The following BRCA1 variants were observed in gnomAD, a reference collection of about 807,000 sequenced individuals.
BRCA1 encodes breast cancer type 1 susceptibility protein.
Under a neutral mutation model 173.7 loss-of-function variants are expected in BRCA1, and 140 were observed. The ratio of observed to expected loss-of-function variants is 0.81; its 90% confidence interval spans 0.70 to 0.93. The LOEUF (loss-of-function observed/expected upper bound fraction) is 0.93. BRCA1 is among the 40% of genes least tolerant of loss of function. The pLI is 0.00. For synonymous variants in BRCA1, 662 were observed against 756.0 expected, an observed-to-expected ratio of 0.88 and a Z score of 2.04; for missense variants, 1,983 against 2,172.5, an observed-to-expected ratio of 0.91 and a Z score of 1.73.
Position 43,044,804 on chromosome 17 carries a change from C to CTTT in BRCA1, c.*871_*873dup, listed in dbSNP as rs59541324. 1.2e-4 allele frequency: 45 copies of CTTT among 381,396 alleles called. No individual in the cohort carries two copies. Among genetic ancestry groups the CTTT allele is most frequent in the African/African-American group, 3.5e-4 (13 of 37,596 alleles). 23.6% of individuals were successfully genotyped at this position (381,396 alleles called of 1,614,324 possible). A position where few individuals can be genotyped will look rare whatever the true frequency, so the allele number is the denominator to read the frequency against. On this transcript the variant is annotated 3_prime_UTR_variant, in exon 23 of 23. Coordinates refer to ENST00000357654, the MANE Select transcript of BRCA1 (RefSeq NM_007294.4). ...AGAAATCTCTTCTAGTTTCATTTTC[C>CTTT]TTTTTTTTTTTTTTTTTTTGAGCCA...
At chr17:43,058,647 G>A (rs2051616231) in intron 18 of BRCA1, among the ~76,000 whole-genome samples, 3 of 152,068 alleles carry the variant, frequency 2.0e-5, no homozygotes, top group South Asian at 4.1e-4. Context: ...AGATTAGACT[G>A]CTAATACTGT....
intron 7 of BRCA1, 138 bp downstream of exon 7, chr17:43,099,637 C>T (rs2054283326): frequency 1.5e-6 from 1 of 686,856 alleles, no homozygotes; most frequent in Admixed American, 2.4e-5. Context: ...TTTTTTATAA[C>T]TCACCATAGG....
At chr17:43,123,956 T>C (rs2154576244) in intron 2 of BRCA1, 61 bp downstream of exon 2, 2 of 1,317,544 alleles carry the variant, frequency 1.5e-6, no homozygotes, top group Middle Eastern at 1.8e-4. Flanking sequence ...GTCAATTCTG[T>C]TCATTTGCAT....
chr17:43,129,805 T>C (rs540162699), upstream of BRCA1, among the ~76,000 whole-genome samples: 105 of 152,274 alleles, frequency 6.9e-4, no homozygotes, highest in African/African-American at 2.5e-3. Flanking sequence ...AAAGTGGTAT[T>C]TCAGAATATC....
intron 1 of BRCA1, chr17:43,145,289 T>C: frequency 3.2e-6 from 2 of 634,024 alleles, no homozygotes; most frequent in African/African-American, 1.9e-5. Context: ...CAGTGGTCCC[T>C]GTCTCCCTTC....
intron 1 of BRCA1, among the ~76,000 whole-genome samples, chr17:43,141,992 A>C (rs1263561546): frequency 1.3e-5 from 2 of 151,210 alleles, no homozygotes; most frequent in African/African-American, 4.9e-5. Context: ...GCTCACTGCA[A>C]CCTCCGTCTC....
At chr17:43,133,887 G>A (rs1216609239) in intron 1 of BRCA1, among the ~76,000 whole-genome samples, 5 of 152,062 alleles carry the variant, frequency 3.3e-5, no homozygotes, top group Non-Finnish European at 7.4e-5. Context: ...CGCCTGCCTC[G>A]GACACTCAAA....
rs2154400472 is a variant in BRCA1 at position 43,093,451 on chromosome 17, T to A, written c.2080A>T (p.Ser694Cys). Residue 694 changes from serine to cysteine, a missense_variant, in exon 10 of 23, where the codon AGC becomes TGC. Coordinates refer to ENST00000357654, the MANE Select transcript of BRCA1 (RefSeq NM_007294.4). ...PNEQTSKRHD[S>C]DTFPELKLTN... Reference sequence around the variant, plus strand: ...AACTTCAGCTCTGGGAAAGTATCGCTGTCATGTCTTTTACTTGTCTGTTCA... The same window carrying A: ...AACTTCAGCTCTGGGAAAGTATCGCAGTCATGTCTTTTACTTGTCTGTTCA... The A allele has an allele frequency of 6.2e-7, 1 of 1,614,088 alleles. No individual in the cohort carries two copies. The highest frequency in any genetic ancestry group is 8.5e-7 in the Non-Finnish European group (1 of 1,179,956).
rs538914067 is a variant in BRCA1 at position 43,096,249 on chromosome 17, C to T, written c.594-327G>A. Reference sequence around the variant, plus strand: ...AAAATTAGCCGGGTGTGGTGGCGCGCGCCTGTAGTCCCAGCTACTAGAGAG... The same window carrying T: ...AAAATTAGCCGGGTGTGGTGGCGCGTGCCTGTAGTCCCAGCTACTAGAGAG... On this transcript the variant is annotated intron_variant, in intron 8 of 22. Coordinates refer to ENST00000357654, the MANE Select transcript of BRCA1 (RefSeq NM_007294.4). Among the ~76,000 whole-genome samples the T allele has an allele frequency of 5.3e-5, 8 of 151,442 alleles. No individual in the cohort carries two copies. In the East Asian group the frequency reaches 9.7e-4, roughly 18 times the overall value.
At chr17:43,055,837 G>A (rs1339143477) in intron 19 of BRCA1, among the ~76,000 whole-genome samples, 2 of 152,138 alleles carry the variant, frequency 1.3e-5, no homozygotes, top group Non-Finnish European at 2.9e-5. Context: ...GGAGGCCAAG[G>A]CACAAGAATT....
intron 19 of BRCA1, among the ~76,000 whole-genome samples, chr17:43,056,037 A>G (rs1183639350): frequency 6.6e-6 from 1 of 152,216 alleles, no homozygotes; most frequent in Non-Finnish European, 1.5e-5. Flanking sequence ...TGAGCAACTT[A>G]TTCAACCTCT....
intron 16 of BRCA1, among the ~76,000 whole-genome samples, chr17:43,064,220 G>C (rs959007458): frequency 1.3e-5 from 2 of 152,212 alleles, no homozygotes; most frequent in African/African-American, 4.8e-5. Flanking sequence ...CCATCTTCTA[G>C]ACGCCAAGGC....
At chr17:43,128,164 G>A (rs755570382), upstream of BRCA1, among the ~76,000 whole-genome samples, 2 of 144,096 alleles carry the variant, frequency 1.4e-5, no homozygotes, top group Non-Finnish European at 3.0e-5. Context: ...CTTTGGGTCC[G>A]CATAGCATTT....
intron 1 of BRCA1, among the ~76,000 whole-genome samples, chr17:43,168,532 C>T (rs2056284066): frequency 6.6e-6 from 1 of 152,120 alleles, no homozygotes. Flanking sequence ...CCCAGCTACT[C>T]GGGAGCTGAG....
intron 20 of BRCA1, chr17:43,050,332 G>C (rs2051152407): frequency 2.7e-6 from 1 of 365,542 alleles, no homozygotes; most frequent in Non-Finnish European, 4.8e-6. Flanking sequence ...GAGAGGGCTG[G>C]GCACAGTGGC....
chr17:43,094,119 A>T lies in BRCA1; in HGVS notation c.1412T>A (p.Leu471His), dbSNP rs1167718207. Residue 471 changes from leucine (L) to histidine (H), a missense_variant, in exon 10 of 23, where the codon CTC becomes CAC. Coordinates refer to ENST00000357654, the MANE Select transcript of BRCA1 (RefSeq NM_007294.4). ...TTCAGTTACATGGCTTAAGTTGGGG[A>T]GGCTTGCCTTCTTCCGATAGGTTTT... ...FGKTYRKKAS[L>H]PNLSHVTENL... 1 of 1,614,056 alleles carries T rather than the reference A, an allele frequency of 6.2e-7. No individual in the cohort carries two copies. Among genetic ancestry groups the T allele is most frequent in the Non-Finnish European group, 8.5e-7 (1 of 1,179,986 alleles).
intron 11 of BRCA1, among the ~76,000 whole-genome samples, chr17:43,090,705 CAAT>C (rs1230652005): frequency 6.6e-6 from 1 of 152,112 alleles, no homozygotes. Context: ...TAGTATGCTA[CAAT>C]GAGCTAGGCA....
rs1454233540 is a variant in BRCA1 at position 43,125,317 on chromosome 17, G to A, written c.-66C>T. 2.2e-6 allele frequency: 1 copy of A among 456,002 alleles called. No individual in the cohort carries two copies. The highest frequency in any genetic ancestry group is 2.0e-5 in the African/African-American group (1 of 50,186). The allele number at this position is 456,002 out of a possible 1,614,324, so 28.2% of individuals were successfully genotyped here. ...AAGGCCTCCTGAGCGCAGGGGCCCA[G>A]TTATCTGAGAAACCCCACAGCCTGT... is the stretch of plus-strand genomic sequence containing the variant. On this transcript the variant is annotated 5_prime_UTR_variant, in exon 1 of 23. Coordinates refer to ENST00000357654, the MANE Select transcript of BRCA1 (RefSeq NM_007294.4).
chr17:43,077,527 T>G (rs868539500), intron 12 of BRCA1, among the ~76,000 whole-genome samples: 1 of 151,934 alleles, frequency 6.6e-6, no homozygotes, highest in African/African-American at 2.4e-5. Context: ...AGAGATGGGA[T>G]TTTACCCTGT....
Sources: allele counts gnomAD v4.1 joint callset (sites outside exome capture counted in the v4.1 genomes callset), GRCh38; gene constraint gnomAD v4.1.1; transcripts MANE v1.5; gene names NCBI Gene and HGNC (gene_info 2026-07-23, HGNC 2026-07-21).